The following JAKMIP2 variants were observed in gnomAD, a reference collection of about 807,000 sequenced individuals.
The protein encoded by JAKMIP2 is janus kinase and microtubule interacting protein 2.
JAKMIP2 carries 25 observed loss-of-function variants against 115.0 expected under a neutral mutation model. That is an observed-to-expected ratio of 0.22 (90% CI 0.16 to 0.30). JAKMIP2 has a LOEUF of 0.30. JAKMIP2 is among the 10% of genes least tolerant of loss of function. The probability of loss-of-function intolerance (pLI) is 1.00; values close to 1 mark genes in which losing one functional copy is unlikely to be tolerated. For synonymous variants in JAKMIP2, 334 were observed against 343.6 expected, an observed-to-expected ratio of 0.97 and a Z score of 0.31; for missense variants, 642 against 957.6, an observed-to-expected ratio of 0.67 and a Z score of 4.35.
rs577829314 is a variant in JAKMIP2, at chr5:147,688,532, TAATA to T, written c.-148-16582_-148-16579del. On this transcript the variant is annotated intron_variant, in intron 1 of 21. Coordinates refer to ENST00000616793, the MANE Select transcript of JAKMIP2 (RefSeq NM_001270941.2). ...GAGTCTGATTAAATGCAACTAATAA[TAATA>T]AATAATAGTCATTAATATTTCCCTT... 2.2e-4 allele frequency among the ~76,000 whole-genome samples: 33 copies of T among 152,340 alleles called. No individual in the cohort carries two copies. The East Asian group carries it at 5.4e-3, about 25-fold the overall frequency.
At chr5:147,715,519 T>C (rs1183719809) in intron 1 of JAKMIP2, among the ~76,000 whole-genome samples, 1 of 151,178 alleles carries the variant, frequency 6.6e-6, no homozygotes, top group Non-Finnish European at 1.5e-5. Context: ...TAAAGCAGCC[T>C]GTGACGGCTG....
At chr5:147,604,882 T>A (rs1214446175) in intron 20 of JAKMIP2, among the ~76,000 whole-genome samples, 1 of 151,400 alleles carries the variant, frequency 6.6e-6, no homozygotes, top group African/African-American at 2.4e-5. Context: ...ACGTGCAGGT[T>A]TGTTACATAA....
At chr5:147,697,767 C>T (rs751902382) in intron 1 of JAKMIP2, among the ~76,000 whole-genome samples, 7 of 152,218 alleles carry the variant, frequency 4.6e-5, no homozygotes, top group Non-Finnish European at 1.0e-4. Context: ...GGAACCTCTG[C>T]CTAGATTTCA....
intron 1 of JAKMIP2, among the ~76,000 whole-genome samples, chr5:147,695,554 G>A (rs990391587): frequency 6.6e-6 from 1 of 152,012 alleles, no homozygotes; most frequent in African/African-American, 2.4e-5. Context: ...TGGGCATCAG[G>A]CCCAGATATT....
chr5:147,771,482 C>T (rs1243408085), intron 1 of JAKMIP2, among the ~76,000 whole-genome samples: 4 of 151,922 alleles, frequency 2.6e-5, no homozygotes, highest in Admixed American at 2.0e-4. Context: ...TATATTTTAA[C>T]CTGGATTTAG....
intron 2 of JAKMIP2, among the ~76,000 whole-genome samples, chr5:147,671,261 G>A (rs568844463): frequency 1.3e-5 from 2 of 152,300 alleles, no homozygotes; most frequent in South Asian, 2.1e-4. Context: ...GCCCTTGGAA[G>A]GTATTGGGCA....
At chr5:147,744,827 A>AG (rs1754291256) in intron 1 of JAKMIP2, among the ~76,000 whole-genome samples, 1 of 152,118 alleles carries the variant, frequency 6.6e-6, no homozygotes, top group Non-Finnish European at 1.5e-5. Context: ...TGGGAGGCCA[A>AG]GGTGGGCAGA....
intron 1 of JAKMIP2, among the ~76,000 whole-genome samples, chr5:147,677,814 T>A (rs1760051360): frequency 6.6e-6 from 1 of 152,164 alleles, no homozygotes; most frequent in Non-Finnish European, 1.5e-5. Context: ...ACTCACATAC[T>A]TTTTTTGTGG....
chr5:147,628,965 CAA>C lies in JAKMIP2; in HGVS notation c.1930-151_1930-150del, dbSNP rs1757234763. ...TATTCTGTTTAGTAATAATTCTGAA[CAA>C]AGAGTTAATCAAAACCCGGAAGAAG... is the stretch of plus-strand genomic sequence containing the variant. On this transcript the variant is annotated intron_variant, in intron 15 of 21. Coordinates refer to ENST00000616793, the MANE Select transcript of JAKMIP2 (RefSeq NM_001270941.2). 5.3e-6 allele frequency: 3 copies of C among 564,254 alleles called. 1 individual carries two copies. The highest frequency in any genetic ancestry group is 5.4e-5 in the South Asian group (2 of 36,852). 35.0% of individuals were successfully genotyped at this position (564,254 alleles called of 1,614,324 possible). A position where few individuals can be genotyped will look rare whatever the true frequency, so the allele number is the denominator to read the frequency against.
Position 147,598,394 on chromosome 5 carries a change from C to A in JAKMIP2, c.*20+3347G>T, listed in dbSNP as rs78753878. On this transcript the variant is annotated intron_variant, in intron 21 of 21. Transcript: ENST00000616793. Reference sequence around the variant, plus strand: ...TTCTCCACCCCCATAACCAGGTGAGCGAATTCTCTTAATAAAGCCGCTCTC... The same window carrying A: ...TTCTCCACCCCCATAACCAGGTGAGAGAATTCTCTTAATAAAGCCGCTCTC... Among the ~76,000 whole-genome samples the A allele has an allele frequency of 0.011, 1,673 of 152,022 alleles. 61 individuals are homozygous for A. The East Asian group carries it at 0.13, about 12-fold the overall frequency.
At position 147,628,741 on chromosome 5, in the gene JAKMIP2, G is replaced by A. The variant is rs759548157; in HGVS notation, c.1995+10C>T. The A allele has an allele frequency of 1.4e-5, 23 of 1,604,688 alleles. No homozygotes were observed. Among genetic ancestry groups the A allele is most frequent in the East Asian group, 6.7e-5 (3 of 44,778 alleles). On this transcript the variant is annotated intron_variant, in intron 16 of 21. Transcript: ENST00000616793. ...CCGAGATGATTTGAAATGTTTGTAC[G>A]GCTCATTACCTTCTCTGCCAGGGAC...
chr5:147,613,933 C>A (rs1025649442), intron 19 of JAKMIP2, among the ~76,000 whole-genome samples: 3 of 152,102 alleles, frequency 2.0e-5, no homozygotes, highest in Non-Finnish European at 4.4e-5. Context: ...TGTGTTTATA[C>A]GTGTATGATT....
chr5:147,743,009 C>T (rs1321352323), intron 1 of JAKMIP2, among the ~76,000 whole-genome samples: 1 of 152,170 alleles, frequency 6.6e-6, no homozygotes, highest in Non-Finnish European at 1.5e-5. Context: ...CAATGTTAGG[C>T]TTTTTCCCTG....
intron 1 of JAKMIP2, among the ~76,000 whole-genome samples, chr5:147,766,267 A>T (rs553712294): frequency 1.3e-4 from 20 of 152,320 alleles, no homozygotes; most frequent in African/African-American, 4.6e-4. Context: ...GGATTTCTTC[A>T]ATCAGCTTGC....
intron 13 of JAKMIP2, among the ~76,000 whole-genome samples, chr5:147,631,859 A>G (rs559616618): frequency 3.9e-5 from 6 of 152,170 alleles, no homozygotes; most frequent in Admixed American, 2.6e-4. Context: ...AGCCTTTTGC[A>G]TATTCAATCT....
intron 1 of JAKMIP2, among the ~76,000 whole-genome samples, chr5:147,722,667 T>G (rs1753360222): frequency 1.3e-5 from 2 of 152,270 alleles, no homozygotes; most frequent in East Asian, 3.9e-4. Context: ...TGATAATATT[T>G]CGGTATTATT....
intron 3 of JAKMIP2, among the ~76,000 whole-genome samples, chr5:147,659,202 C>T (rs191294380): frequency 7.2e-5 from 11 of 152,206 alleles, no homozygotes; most frequent in African/African-American, 2.4e-4. Context: ...TGTGCTGATC[C>T]GTGGATTGCA....
chr5:147,696,232 C>A (rs1424080504), intron 1 of JAKMIP2, among the ~76,000 whole-genome samples: 1 of 152,100 alleles, frequency 6.6e-6, no homozygotes, highest in Non-Finnish European at 1.5e-5. Flanking sequence ...GCTGTGTCCC[C>A]AGCCAAAACT....
At chr5:147,714,531 A>G (rs1752895193) in intron 1 of JAKMIP2, among the ~76,000 whole-genome samples, 1 of 152,198 alleles carries the variant, frequency 6.6e-6, no homozygotes, top group South Asian at 2.1e-4. Context: ...AAAGAATCCA[A>G]GAGACAGAAT....
Sources: gnomAD v4.1 joint callset for allele counts (sites outside exome capture counted in the v4.1 genomes callset) on GRCh38, gnomAD v4.1.1 for gene constraint, MANE v1.5 for transcripts, NCBI Gene and HGNC (gene_info 2026-07-23, HGNC 2026-07-21) for gene names.